Variants in MAP3K9 observed in about 807,000 individuals in gnomAD.
MAP3K9 encodes mitogen-activated protein kinase kinase kinase 9.
Under a neutral mutation model 95.8 loss-of-function variants are expected in MAP3K9, and 46 were observed. The observed-to-expected ratio is 0.48, with a 90% CI of 0.38 to 0.61. MAP3K9 has a LOEUF of 0.61. Ranked by LOEUF, MAP3K9 falls within the 20% of genes least tolerant of loss-of-function variation. MAP3K9 has a pLI of 0.00. For missense variants in MAP3K9, 1,296 were observed against 1,474.3 expected (o/e 0.88, Z 1.98); for synonymous variants, 533 against 593.8 (o/e 0.90, Z 1.49).
At chr14:70,767,165 C>G (rs762573734) in intron 2 of MAP3K9, among the ~76,000 whole-genome samples, 3 of 151,966 alleles carry the variant, frequency 2.0e-5, no homozygotes, top group Non-Finnish European at 4.4e-5. Flanking sequence ...GGGCGGGTCA[C>G]CTGAGGTCAG....
chr14:70,773,718 G>A (rs559812494), intron 2 of MAP3K9, among the ~76,000 whole-genome samples: 1 of 152,322 alleles, frequency 6.6e-6, no homozygotes, highest in East Asian at 1.9e-4. Flanking sequence ...TGGAGGTCTA[G>A]CTACCATCTT....
intron 2 of MAP3K9, among the ~76,000 whole-genome samples, chr14:70,787,403 G>A (rs1392969353): frequency 3.3e-5 from 5 of 151,750 alleles, no homozygotes; most frequent in Non-Finnish European, 7.4e-5. Context: ...AGCTACTCGG[G>A]AGGCTGAGGC....
At chr14:70,748,654 G>A (rs140183312) in intron 5 of MAP3K9, among the ~76,000 whole-genome samples, 175 bp downstream of exon 5, 30 of 152,340 alleles carry the variant, frequency 2.0e-4, no homozygotes, top group Non-Finnish European at 4.0e-4. Flanking sequence ...TTGCCCAACT[G>A]CATTCTTCTC....
intron 2 of MAP3K9, among the ~76,000 whole-genome samples, chr14:70,797,222 C>T (rs535805539): frequency 1.1e-4 from 16 of 152,188 alleles, no homozygotes; most frequent in African/African-American, 3.9e-4. Flanking sequence ...TAGTATTCTG[C>T]CCTCACATGA....
At chr14:70,769,417 C>T (rs2054501482) in intron 2 of MAP3K9, among the ~76,000 whole-genome samples, 1 of 152,146 alleles carries the variant, frequency 6.6e-6, no homozygotes, top group African/African-American at 2.4e-5. Context: ...GTACACATCT[C>T]TAAATAAGAT....
At chr14:70,768,301 AAATT>A (rs1190166417) in intron 2 of MAP3K9, among the ~76,000 whole-genome samples, 1 of 152,186 alleles carries the variant, frequency 6.6e-6, no homozygotes, top group East Asian at 1.9e-4. Context: ...CAAAAATTAA[AAATT>A]AAAAAAAAAT....
chr14:70,733,070 A>G lies in MAP3K9; in HGVS notation c.2299T>C (p.Phe767Leu). 1 of 1,614,108 alleles carries G rather than the reference A, an allele frequency of 6.2e-7. No homozygotes were observed. The highest frequency in any genetic ancestry group is 1.1e-5 in the South Asian group (1 of 91,086). ...CACTTGCCAGCTTCCAGCAAGTCAA[A>G]CCCTAGGCCTGTGGCTGCCAGAACA... Reference protein sequence around the residue: ...GAVLAATGLGFDLLEAGKCQL... With the variant: ...GAVLAATGLGLDLLEAGKCQL... Residue 767 changes from phenylalanine (F) to leucine (L), a missense_variant, in exon 11 of 12, where the codon TTT becomes CTT. Physicochemically the swap from Phe to Leu is conservative, Grantham distance 22. This residue lies in a region of MAP3K9 where 12 missense variants were observed against 30.9 expected (regional missense o/e 0.39). Transcript: ENST00000554752.
At chr14:70,756,211 T>C in intron 3 of MAP3K9, among the ~76,000 whole-genome samples, 1 of 152,206 alleles carries the variant, frequency 6.6e-6, no homozygotes, top group Non-Finnish European at 1.5e-5. Flanking sequence ...ATTTGTGCTT[T>C]CCCTTCCCAC....
chr14:70,731,525 G>A lies in MAP3K9; in HGVS notation c.2831-661C>T, dbSNP rs548831163. On this transcript the variant is annotated intron_variant, in intron 11 of 11. Transcript: ENST00000554752. The stretch of plus-strand genomic sequence containing the variant: ...GTGTCTGCTTTCCCACTACGGCAGC[G>A]TAGTTTAGTTACAACAGAAACTGTA... 1.1e-3 allele frequency among the ~76,000 whole-genome samples: 165 copies of A among 152,300 alleles called. 1 individual carries two copies. The highest frequency in any genetic ancestry group is 8.1e-3 in the South Asian group (39 of 4,826).
chr14:70,730,228 C>T lies in MAP3K9; in HGVS notation c.*152G>A. ...CAGGGCAGGAGACCCTCTGAAGTGG[C>T]CCTGTTTCCATCCCTTCCATCTTCA... On this transcript the variant is annotated 3_prime_UTR_variant, in exon 12 of 12. Transcript: ENST00000554752. 2.6e-6 allele frequency: 3 copies of T among 1,170,174 alleles called. No individual in the cohort carries two copies. The South Asian group carries it at 4.8e-5, about 19-fold the overall frequency. 72.5% of individuals were successfully genotyped at this position (1,170,174 alleles called of 1,614,324 possible).
In MAP3K9 at chr14:70,725,070, A is replaced by C. The variant is rs2139682565; in HGVS notation, c.*5310T>G. The C allele has an allele frequency of 6.6e-6, 1 of 152,510 alleles. No homozygotes were observed. The highest frequency in any genetic ancestry group is 1.9e-4 in the East Asian group (1 of 5,186). 9.4% of individuals were successfully genotyped at this position (152,510 alleles called of 1,614,324 possible). A position where few individuals can be genotyped will look rare whatever the true frequency, so the allele number is the denominator to read the frequency against. On this transcript the variant is annotated 3_prime_UTR_variant, in exon 12 of 12. Transcript: ENST00000554752. ...AAGGCAGGTCTGTTTCCAAGGGTTA[A>C]CAAAGAGAGGTGTGGAAAAGCTCAG...
chr14:70,740,988 C>T (rs1444994140), intron 6 of MAP3K9, among the ~76,000 whole-genome samples: 1 of 152,212 alleles, frequency 6.6e-6, no homozygotes, highest in Non-Finnish European at 1.5e-5. Flanking sequence ...CATATTCACT[C>T]AACTGCATGG....
In MAP3K9 at chr14:70,800,235, T is replaced by C. The variant is rs141807996; in HGVS notation, c.820+432A>G. Among the ~76,000 whole-genome samples the C allele has an allele frequency of 3.0e-3, 456 of 152,258 alleles. 2 individuals are homozygous for C. The highest frequency in any genetic ancestry group is 0.01 in the African/African-American group (422 of 41,548). On this transcript the variant is annotated intron_variant, in intron 2 of 11. Transcript: ENST00000554752. The stretch of plus-strand genomic sequence containing the variant: ...AGCATTCTCTTCTTACAGTCCCTTC[T>C]GTGATGGGTATCTCAAGTTGAGGTG...
At chr14:70,747,825 G>A (rs1232304568) in intron 5 of MAP3K9, among the ~76,000 whole-genome samples, 1 of 152,174 alleles carries the variant, frequency 6.6e-6, no homozygotes, top group African/African-American at 2.4e-5. Context: ...TTCCCATAGT[G>A]CAGAGTGAGA....
intron 1 of MAP3K9, among the ~76,000 whole-genome samples, chr14:70,801,793 G>C (rs552095608): frequency 2.6e-4 from 40 of 152,274 alleles, no homozygotes; most frequent in Admixed American, 5.9e-4. Context: ...AGAGTGAGTG[G>C]GAGAGATCTC....
At chr14:70,731,792 T>C (rs544300562) in intron 11 of MAP3K9, among the ~76,000 whole-genome samples, 7 of 152,348 alleles carry the variant, frequency 4.6e-5, no homozygotes, top group African/African-American at 1.7e-4. Flanking sequence ...TAAATACAAC[T>C]GTTGTTGACA....
intron 2 of MAP3K9, among the ~76,000 whole-genome samples, chr14:70,791,982 C>T (rs929233743): frequency 1.3e-5 from 2 of 152,200 alleles, no homozygotes; most frequent in African/African-American, 4.8e-5. Flanking sequence ...TCCCAAACCA[C>T]GTTCAAGAAC....
chr14:70,737,870 G>A (rs1470837384), intron 8 of MAP3K9, among the ~76,000 whole-genome samples: 4 of 152,122 alleles, frequency 2.6e-5, no homozygotes, highest in Non-Finnish European at 5.9e-5. Context: ...ATAACTGGTG[G>A]GTTAAACCCT....
At position 70,809,373 on chromosome 14, in the gene MAP3K9, C is replaced by A. The variant is rs1366585540; in HGVS notation, c.-202G>T. Reference sequence around the variant, plus strand: ...AGAAGAGCGCCGAGCGCGAGCTCTTCGCGCAGCCTAGGGGCGCAGCGGGCC... The same window carrying A: ...AGAAGAGCGCCGAGCGCGAGCTCTTAGCGCAGCCTAGGGGCGCAGCGGGCC... On this transcript the variant is annotated 5_prime_UTR_variant, in exon 1 of 12. Transcript: ENST00000554752. The A allele has an allele frequency of 3.3e-6, 2 of 603,282 alleles. No individual in the cohort carries two copies. The highest frequency in any genetic ancestry group is 4.8e-6 in the Non-Finnish European group (2 of 416,558). The allele number at this position is 603,282 out of a possible 1,614,324, so 37.4% of individuals were successfully genotyped here.
Sources: gnomAD v4.1 joint callset for allele counts (sites outside exome capture counted in the v4.1 genomes callset) on GRCh38, gnomAD v4.1.1 for gene constraint, gnomAD v4.1.1 regional missense constraint, MANE v1.5 for transcripts, NCBI Gene and HGNC (gene_info 2026-07-23, HGNC 2026-07-21) for gene names.